The following EFEMP2 variants were observed in gnomAD, a reference collection of about 807,000 sequenced individuals.
EFEMP2 encodes EGF-like fibulin extracellular matrix protein 2.
EFEMP2 carries 21 observed loss-of-function variants against 55.3 expected under a neutral mutation model. The observed-to-expected ratio is 0.38, with a 90% CI of 0.27 to 0.55. The LOEUF is 0.55. Among genes scored for constraint, EFEMP2 ranks in the 20% least tolerant of loss-of-function variants. The probability of loss-of-function intolerance (pLI) is 0.77; values close to 1 mark genes in which losing one functional copy is unlikely to be tolerated. For synonymous variants in EFEMP2, 275 were observed against 242.3 expected (o/e 1.14, Z -1.25); for missense variants, 513 against 615.1 (o/e 0.83, Z 1.76).
chr11:65,872,504 C>T (rs1859983605), intron 1 of EFEMP2, 143 bp from the exon 2 acceptor site: 1 of 597,222 alleles, frequency 1.7e-6, no homozygotes, highest in East Asian at 3.0e-5. Flanking sequence ...GGGCCGACTC[C>T]TCACAGGCCC....
At position 65,872,586 on chromosome 11, in the gene EFEMP2, G is replaced by A. The variant is rs1859985318; in HGVS notation, c.-8+97C>T. ...CCCCGCCCCGCGCCCCTGCGGCGAA[G>A]GCCGAGGAGCGCGGGCCTCTGTGGG... On this transcript the variant is annotated intron_variant, in intron 1 of 10. Coordinates refer to ENST00000307998, the MANE Select transcript of EFEMP2 (RefSeq NM_016938.5). 5 of 349,128 alleles carry A rather than the reference G, an allele frequency of 1.4e-5. No individual in the cohort carries two copies. In the South Asian group the frequency reaches 2.2e-4, roughly 15 times the overall value. The allele number at this position is 349,128 out of a possible 1,614,324, so 21.6% of individuals were successfully genotyped here.
chr11:65,867,088 C>T lies in EFEMP2; in HGVS notation c.1171-9G>A, dbSNP rs1859863903. ...CTGACGTTGTTGATTTGCTGCAGGG[C>T]AGTGGGTGGGGGGACATATATATTG... On this transcript the variant is annotated splice_polypyrimidine_tract_variant and intron_variant, in intron 10 of 10. Transcript: ENST00000307998. 1.9e-6 allele frequency: 3 copies of T among 1,613,930 alleles called. No individual in the cohort carries two copies. Among genetic ancestry groups the T allele is most frequent in the African/African-American group, 1.3e-5 (1 of 75,022 alleles).
rs373485109 is a variant in EFEMP2, at chr11:65,867,926, A to G, written c.1105T>C (p.Tyr369His). The G allele has an allele frequency of 9.9e-6, 16 of 1,614,046 alleles. No individual in the cohort carries two copies. The highest frequency in any genetic ancestry group is 1.4e-5 in the Non-Finnish European group (16 of 1,180,046). ...DVFQIQATSV[Y>H]PGAYNAFQIR... Reference sequence around the variant, plus strand: ...TGAAAGGCATTGTAGGCACCGGGGTAGACGGAGGTCGCCTGGATCTGGAAC... The same window carrying G: ...TGAAAGGCATTGTAGGCACCGGGGTGGACGGAGGTCGCCTGGATCTGGAAC... Residue 369 changes from tyrosine (Y) to histidine (H), a missense_variant, in exon 10 of 11, where the codon TAC (tyrosine) becomes CAC (histidine). Tyr to His is a moderately conservative substitution (Grantham distance 83). Coordinates refer to ENST00000307998, the MANE Select transcript of EFEMP2 (RefSeq NM_016938.5).
chr11:65,872,224 G>A lies in EFEMP2; in HGVS notation c.111+20C>T. 6.5e-7 allele frequency: 1 copy of A among 1,547,122 alleles called. No individual in the cohort carries two copies. Among genetic ancestry groups the A allele is most frequent in the Non-Finnish European group, 8.7e-7 (1 of 1,142,964 alleles). ...TCCCTACCCTTCCTGTCCCAGGCCA[G>A]CGGCCCTCACTGTCCCCACCGTGTA... On this transcript the variant is annotated intron_variant, in intron 2 of 10. Coordinates refer to ENST00000307998, the MANE Select transcript of EFEMP2 (RefSeq NM_016938.5).
At chr11:65,871,453 A>G (rs1480816615) in intron 3 of EFEMP2, 90 bp from the exon 4 acceptor site, 4 of 1,234,598 alleles carry the variant, frequency 3.2e-6, no homozygotes, top group Non-Finnish European at 4.8e-6. Context: ...CTTCTCTGAG[A>G]TGTGTGGCCC....
intron 7 of EFEMP2, chr11:65,869,643 T>C (rs1399579899): frequency 3.0e-6 from 2 of 659,220 alleles, no homozygotes; most frequent in South Asian, 1.7e-5. Flanking sequence ...GTCTCACCAG[T>C]AGGCTTCAGT....
intron 7 of EFEMP2, 71 bp from the exon 8 acceptor site, chr11:65,868,700 C>T (rs927375499): frequency 6.3e-7 from 1 of 1,596,796 alleles, no homozygotes; most frequent in Admixed American, 1.7e-5. Context: ...AAACATTTCC[C>T]AAGAAGGCCC....
chr11:65,870,130 A>G lies in EFEMP2; in HGVS notation c.598T>C (p.Ser200Pro). 1.2e-6 allele frequency: 2 copies of G among 1,613,672 alleles called. No homozygotes were observed. The highest frequency in any genetic ancestry group is 1.7e-6 in the Non-Finnish European group (2 of 1,179,952). ...CCCAGCCCAGCCTCACCAACACAGG[A>G]GCGGTTGTTAGGCCCCAGCTGGAAG... Reference protein sequence around the residue: ...PGFQLGPNNRSCVDVNECDMG... With the variant: ...PGFQLGPNNRPCVDVNECDMG... The change falls in exon 6 of 11, where the codon TCC becomes CCC. Residue 200 changes from serine to proline, a missense_variant. Transcript: ENST00000307998.
rs978830327 is a variant in EFEMP2, at chr11:65,869,803, T to C, written c.727+54A>G. The C allele has an allele frequency of 3.7e-6, 6 of 1,610,926 alleles. No homozygotes were observed. In the Admixed American group the frequency reaches 8.3e-5, roughly 22 times the overall value. On this transcript the variant is annotated intron_variant, in intron 7 of 10. Coordinates refer to ENST00000307998, the MANE Select transcript of EFEMP2 (RefSeq NM_016938.5). ...GAACTGTGTGGCAGGAGGCACGGCA[T>C]AGCTAGGGCCTGGGGGTCCACAGAG...
At chr11:65,868,937 A>C in intron 7 of EFEMP2, 1 of 409,638 alleles carries the variant, frequency 2.4e-6, no homozygotes, top group Non-Finnish European at 4.6e-6. Flanking sequence ...AATCAGTAAA[A>C]TGAGTGTGTT....
intron 3 of EFEMP2, 129 bp downstream of exon 3, chr11:65,871,841 G>T: frequency 8.3e-7 from 1 of 1,198,678 alleles, no homozygotes; most frequent in Non-Finnish European, 1.2e-6. Flanking sequence ...CCTCTGTGTA[G>T]CAGAGCTGGG....
At chr11:65,872,463 G>T in intron 1 of EFEMP2, 102 bp from the exon 2 acceptor site, 1 of 816,078 alleles carries the variant, frequency 1.2e-6, no homozygotes, top group Non-Finnish European at 2.0e-6. Flanking sequence ...GCTCAGGACC[G>T]TGCTTGGGCC....
At position 65,870,593 on chromosome 11, in the gene EFEMP2, C is replaced by T. The variant is rs369601362; in HGVS notation, c.433G>A (p.Gly145Ser). 15 of 1,614,022 alleles carry T rather than the reference C, an allele frequency of 9.3e-6. No individual in the cohort carries two copies. Among genetic ancestry groups the T allele is most frequent in the African/African-American group, 2.7e-5 (2 of 74,902 alleles). The change falls in exon 5 of 11, where the codon GGC becomes AGC. Residue 145 changes from glycine to serine, a missense_variant. Coordinates refer to ENST00000307998, the MANE Select transcript of EFEMP2 (RefSeq NM_016938.5). The part of the protein sequence containing the change: ...RPSQDCHNLP[G>S]SYQCTCPDGY... ...TCAGGGCAGGTGCACTGATAGGAGCCAGGCAAGTTATGGCAGTCCTGGCTG... is the reference window on the plus strand; with the variant it reads ...TCAGGGCAGGTGCACTGATAGGAGCTAGGCAAGTTATGGCAGTCCTGGCTG...
At chr11:65,870,432 A>G in intron 5 of EFEMP2, 104 bp downstream of exon 5, 4 of 1,557,166 alleles carry the variant, frequency 2.6e-6, no homozygotes, top group Non-Finnish European at 3.5e-6. Flanking sequence ...GTGAGGTGGC[A>G]GGGGCCGGGG....
intron 4 of EFEMP2, chr11:65,870,931 C>T (rs1201162971): frequency 4.2e-6 from 3 of 711,704 alleles, no homozygotes; most frequent in Non-Finnish European, 7.2e-6. Context: ...GGAAGGCAGA[C>T]TTCCTGCAGT....
chr11:65,870,738 G>C, intron 4 of EFEMP2, 80 bp from the exon 5 acceptor site: 1 of 1,603,338 alleles, frequency 6.2e-7, no homozygotes, highest in East Asian at 2.2e-5. Context: ...ACTTGTATTC[G>C]GTTCTCTCAA....
chr11:65,872,528 G>A (rs944351555), intron 1 of EFEMP2, 155 bp downstream of exon 1: 22 of 534,554 alleles, frequency 4.1e-5, no homozygotes, highest in South Asian at 3.2e-4. Context: ...TCCCAGGCCC[G>A]GGTCCCAGGC....
chr11:65,868,393 G>A lies in EFEMP2; in HGVS notation c.876C>T (p.His292=). 6.2e-7 allele frequency: 1 copy of A among 1,613,918 alleles called. No individual in the cohort carries two copies. Among genetic ancestry groups the A allele is most frequent in the Non-Finnish European group, 8.5e-7 (1 of 1,180,034 alleles). The change falls in exon 9 of 11, where the codon CAC becomes CAT. Residue 292 remains histidine (H), a synonymous_variant. Coordinates refer to ENST00000307998, the MANE Select transcript of EFEMP2 (RefSeq NM_016938.5). ...CACAGGTTTGGGCCTCGGAGCACTG[G>A]TGCGCACCAGACTCACACTCATCAA... The part of the protein sequence containing the change: ...QDIDECESGA[H]QCSEAQTCVN...
In EFEMP2 at chr11:65,872,255, C is replaced by T. The variant is rs1038731060; in HGVS notation, c.100G>A (p.Asp34Asn). Residue 34 changes from aspartate to asparagine, a missense_variant, in exon 2 of 11, where the codon GAC (aspartate) becomes AAC (asparagine). Transcript: ENST00000307998. The part of the protein sequence containing the change: ...SASPQDSEEP[D>N]SYTECTDGYE... ...CTCACTGTCCCCACCGTGTAGCTGT[C>T]GGGCTCTTCAGAATCCTGAGGAGAA... The T allele has an allele frequency of 2.6e-6, 4 of 1,551,458 alleles. No homozygotes were observed. The East Asian group carries it at 7.3e-5, about 28-fold the overall frequency.
Sources: allele counts gnomAD v4.1 joint callset, GRCh38; gene constraint gnomAD v4.1.1; transcripts MANE v1.5; gene names NCBI Gene and HGNC (gene_info 2026-07-23, HGNC 2026-07-21).